The following TBC1D14 variants were observed in gnomAD, a reference collection of about 807,000 sequenced individuals.
TBC1D14 encodes the protein TBC1 domain family, member 14.
Under a neutral mutation model 79.0 loss-of-function variants are expected in TBC1D14, and 26 were observed. The observed-to-expected ratio is 0.33, with a 90% confidence interval of 0.24 to 0.46. The LOEUF (loss-of-function observed/expected upper bound fraction) is 0.46. Among genes scored for constraint, TBC1D14 ranks in the 20% least tolerant of loss-of-function variants. The probability of loss-of-function intolerance (pLI) is 1.00; values close to 1 mark genes in which losing one functional copy is unlikely to be tolerated. For missense variants in TBC1D14, 769 were observed against 887.6 expected (o/e 0.87, Z 1.70); for synonymous variants, 394 against 349.9 (o/e 1.13, Z -1.40).
chr4:6,933,453 C>A (rs116065862), intron 2 of TBC1D14, among the ~76,000 whole-genome samples: 6 of 151,358 alleles, frequency 4.0e-5, no homozygotes, highest in Non-Finnish European at 8.8e-5. Context: ...CACAGACGTG[C>A]GCCATCACAC....
intron 3 of TBC1D14, among the ~76,000 whole-genome samples, chr4:6,972,949 C>T (rs1177191479): frequency 1.3e-5 from 2 of 152,136 alleles, no homozygotes; most frequent in Non-Finnish European, 1.5e-5. Flanking sequence ...TAACTCTTTC[C>T]GACATAACAC....
chr4:7,014,311 A>T (rs2109268639), intron 11 of TBC1D14, 137 bp from the exon 12 acceptor site: 1 of 600,924 alleles, frequency 1.7e-6, no homozygotes, highest in African/African-American at 1.9e-5. Flanking sequence ...TACCTACAAT[A>T]AGTTGCCATT....
Position 6,974,300 on chromosome 4 carries a change from TTCTC to T in TBC1D14, c.843+6885_843+6888del, listed in dbSNP as rs147071868. 2.8e-4 allele frequency among the ~76,000 whole-genome samples: 42 copies of T among 152,188 alleles called. No homozygotes were observed. The Middle Eastern group carries it at 0.01, about 37-fold the overall frequency. The stretch of plus-strand genomic sequence containing the variant: ...AAAGTGTGAACCCCCCGATGCTTTA[TTCTC>T]TCTCTCTCCCCATTACCTGGCCCAG... On this transcript the variant is annotated intron_variant, in intron 3 of 13. Coordinates refer to ENST00000409757, the MANE Select transcript of TBC1D14 (RefSeq NM_020773.3).
chr4:6,940,773 A>C (rs1458379760), intron 2 of TBC1D14, among the ~76,000 whole-genome samples: 1 of 152,198 alleles, frequency 6.6e-6, no homozygotes, highest in Non-Finnish European at 1.5e-5. Context: ...GGCTGGACAC[A>C]GTGCTCTATG....
At chr4:6,948,820 G>A (rs1357889070) in intron 2 of TBC1D14, among the ~76,000 whole-genome samples, 1 of 150,790 alleles carries the variant, frequency 6.6e-6, no homozygotes, top group Non-Finnish European at 1.5e-5. Context: ...CTGCCTCAGC[G>A]TCCCAAGTAG....
chr4:7,026,091 C>T (rs912505720), intron 13 of TBC1D14, among the ~76,000 whole-genome samples: 1 of 151,974 alleles, frequency 6.6e-6, no homozygotes, highest in Non-Finnish European at 1.5e-5. Context: ...AGTGCAGCCC[C>T]CGCCTCCCAG....
intron 5 of TBC1D14, among the ~76,000 whole-genome samples, chr4:6,996,705 G>A (rs1355805274): frequency 6.6e-6 from 1 of 152,200 alleles, no homozygotes; most frequent in East Asian, 1.9e-4. Context: ...TTCCATCCCA[G>A]AAGCCCCCAG....
intron 3 of TBC1D14, among the ~76,000 whole-genome samples, chr4:6,981,091 C>T (rs1353764110): frequency 6.6e-6 from 1 of 150,834 alleles, no homozygotes; most frequent in African/African-American, 2.4e-5. Context: ...GTGGTGCGAC[C>T]TCAGCTCACT....
At chr4:6,992,049 G>A (rs1039281237) in intron 3 of TBC1D14, among the ~76,000 whole-genome samples, 2 of 152,186 alleles carry the variant, frequency 1.3e-5, no homozygotes, top group Admixed American at 6.5e-5. Context: ...AGCTAGTGGC[G>A]CAGACCAACA....
At chr4:6,965,105 A>G (rs543494238) in intron 2 of TBC1D14, among the ~76,000 whole-genome samples, 4 of 152,158 alleles carry the variant, frequency 2.6e-5, no homozygotes, top group Admixed American at 6.5e-5. Flanking sequence ...CATTAATCCA[A>G]TGTTGTTGTC....
At chr4:7,015,302 T>A (rs1342782957) in intron 12 of TBC1D14, among the ~76,000 whole-genome samples, 1 of 151,726 alleles carries the variant, frequency 6.6e-6, no homozygotes, top group African/African-American at 2.4e-5. Flanking sequence ...CTGAAGTAGG[T>A]GGAGAGAAGG....
intron 2 of TBC1D14, among the ~76,000 whole-genome samples, chr4:6,965,651 G>T (rs1174578026): frequency 6.6e-6 from 1 of 152,084 alleles, no homozygotes. Flanking sequence ...CAATGATATC[G>T]CCTTAGCCTC....
chr4:6,929,507 G>A (rs940429345), intron 2 of TBC1D14, among the ~76,000 whole-genome samples: 2 of 152,108 alleles, frequency 1.3e-5, no homozygotes, highest in Non-Finnish European at 2.9e-5. Context: ...CTGTCCACCC[G>A]CCTGAGGGTG....
At chr4:6,989,900 C>T (rs1718312426) in intron 3 of TBC1D14, among the ~76,000 whole-genome samples, 1 of 152,192 alleles carries the variant, frequency 6.6e-6, no homozygotes, top group African/African-American at 2.4e-5. Context: ...TCGTCTTTCC[C>T]AGCGTGATTC....
chr4:6,971,166 T>C (rs1716193989), intron 3 of TBC1D14, among the ~76,000 whole-genome samples: 1 of 152,276 alleles, frequency 6.6e-6, no homozygotes, highest in African/African-American at 2.4e-5. Flanking sequence ...GGTTTCTGGC[T>C]TCACCACTTT....
chr4:6,938,372 G>A (rs1712552997), intron 2 of TBC1D14, among the ~76,000 whole-genome samples: 1 of 152,184 alleles, frequency 6.6e-6, no homozygotes, highest in African/African-American at 2.4e-5. Flanking sequence ...GGCCAGGATA[G>A]CAAGGGGGGA....
intron 2 of TBC1D14, among the ~76,000 whole-genome samples, chr4:6,942,488 G>T (rs952362363): frequency 6.6e-6 from 1 of 152,222 alleles, no homozygotes; most frequent in Non-Finnish European, 1.5e-5. Context: ...CAGCAGTCCA[G>T]TTTCAGTCCA....
chr4:7,023,483 A>C (rs982767664), intron 12 of TBC1D14, among the ~76,000 whole-genome samples: 4 of 152,174 alleles, frequency 2.6e-5, no homozygotes, highest in Admixed American at 2.6e-4. Context: ...GAAACAAAAG[A>C]TCTCTTTGTT....
At chr4:7,019,071 T>G (rs13121487) in intron 12 of TBC1D14, among the ~76,000 whole-genome samples, 17,053 of 152,170 alleles carry the variant, frequency 0.11, 1,334 homozygotes, top group Non-Finnish European at 0.18. Flanking sequence ...CACCCAGGCT[T>G]GAGTGCAGTG....
Sources: gnomAD v4.1 joint callset for allele counts (sites outside exome capture counted in the v4.1 genomes callset) on GRCh38, gnomAD v4.1.1 for gene constraint, MANE v1.5 for transcripts, NCBI Gene and HGNC (gene_info 2026-07-23, HGNC 2026-07-21) for gene names.